PLXNA4: variants seen among roughly 807,000 people sequenced by gnomAD.
PLXNA4 encodes the protein plexin-A4.
Under a neutral mutation model 191.8 loss-of-function variants are expected in PLXNA4, and 44 were observed. The ratio of observed to expected loss-of-function variants is 0.23; its 90% CI spans 0.18 to 0.29. PLXNA4 has a LOEUF of 0.29. Among genes scored for constraint, PLXNA4 ranks in the 10% least tolerant of loss-of-function variants. The pLI is 1.00. For missense variants in PLXNA4, 1,800 were observed against 2,488.8 expected, an observed-to-expected ratio of 0.72 and a Z score of 5.89; for synonymous variants, 1,082 against 1,009.5, an observed-to-expected ratio of 1.07 and a Z score of -1.36.
intron 4 of PLXNA4, among the ~76,000 whole-genome samples, chr7:132,248,198 C>T (rs903257860): frequency 9.2e-5 from 14 of 152,206 alleles, no homozygotes; most frequent in Admixed American, 9.2e-4. Flanking sequence ...GCTGTTTCCT[C>T]TTCAGCCTGG....
chr7:132,230,253 C>T (rs571395410), intron 5 of PLXNA4, among the ~76,000 whole-genome samples: 9 of 152,280 alleles, frequency 5.9e-5, no homozygotes, highest in Admixed American at 3.3e-4. Flanking sequence ...GTAGAGCCTA[C>T]GGAGCTCTAC....
chr7:132,415,865 A>G (rs2117116208), intron 3 of PLXNA4, among the ~76,000 whole-genome samples: 1 of 152,368 alleles, frequency 6.6e-6, no homozygotes, highest in Middle Eastern at 3.4e-3. Context: ...AAGTTTCACT[A>G]CAGATACCAA....
In PLXNA4 at chr7:132,126,246, C is replaced by T. The variant is rs1794765309; in HGVS notation, c.*4233G>A. The T allele has an allele frequency of 6.6e-6, 1 of 152,324 alleles. No individual in the cohort carries two copies. The highest frequency in any genetic ancestry group is 2.1e-4 in the South Asian group (1 of 4,820). 9.4% of individuals were successfully genotyped at this position (152,324 alleles called of 1,614,324 possible). A position where few individuals can be genotyped will look rare whatever the true frequency, so the allele number is the denominator to read the frequency against. On this transcript the variant is annotated 3_prime_UTR_variant, in exon 32 of 32. Transcript: ENST00000321063. ...TTTGGGAAGTCATTGCTTGTGGATC[C>T]TCGGATGGGGACCCATAGGGCCTTG...
chr7:132,432,929 A>G (rs1004513547), intron 3 of PLXNA4, among the ~76,000 whole-genome samples: 1 of 152,130 alleles, frequency 6.6e-6, no homozygotes, highest in Non-Finnish European at 1.5e-5. Context: ...AGTACAGTAC[A>G]TTGTTGGAGC....
chr7:132,313,847 C>A (rs1293875201), intron 3 of PLXNA4, among the ~76,000 whole-genome samples: 1 of 152,136 alleles, frequency 6.6e-6, no homozygotes, highest in African/African-American at 2.4e-5. Flanking sequence ...GGCCCTCCTA[C>A]CCTGTCTCTA....
intron 4 of PLXNA4, among the ~76,000 whole-genome samples, chr7:132,285,848 G>C (rs549345321): frequency 6.6e-6 from 1 of 152,162 alleles, no homozygotes; most frequent in Non-Finnish European, 1.5e-5. Context: ...GGGGACAGGG[G>C]AGTGGGTTGG....
chr7:132,316,121 G>C (rs1378818141), intron 3 of PLXNA4, among the ~76,000 whole-genome samples: 1 of 152,128 alleles, frequency 6.6e-6, no homozygotes, highest in African/African-American at 2.4e-5. Flanking sequence ...CCTTGAAGAG[G>C]GGCACTGTCA....
At chr7:132,476,935 G>C (rs1187107767) in intron 3 of PLXNA4, among the ~76,000 whole-genome samples, 1 of 152,154 alleles carries the variant, frequency 6.6e-6, no homozygotes, top group Non-Finnish European at 1.5e-5. Context: ...TTCAGTTTCA[G>C]TTTTAGGAGG....
intron 1 of PLXNA4, among the ~76,000 whole-genome samples, chr7:132,570,479 T>C (rs1400286260): frequency 1.3e-5 from 2 of 152,216 alleles, no homozygotes; most frequent in Non-Finnish European, 2.9e-5. Context: ...CCTTCTAGTT[T>C]GAGCCTCCAC....
chr7:132,224,163 C>T (rs1467027110), intron 8 of PLXNA4, among the ~76,000 whole-genome samples: 1 of 152,150 alleles, frequency 6.6e-6, no homozygotes, highest in East Asian at 1.9e-4. Context: ...TTTATAAGAG[C>T]TCCTGACTCC....
At position 132,594,932 on chromosome 7, in the gene PLXNA4, TAGATAGA is replaced by T. The variant is rs1229135664; in HGVS notation, c.-87+50989_-87+50995del. Among the ~76,000 whole-genome samples, 186 of 134,538 alleles carry T rather than the reference TAGATAGA, an allele frequency of 1.4e-3. 2 individuals are homozygous for T. Among genetic ancestry groups the T allele is most frequent in the African/African-American group, 4.9e-3 (181 of 37,192 alleles). 88.3% of individuals were successfully genotyped at this position (134,538 alleles called of 152,430 possible). A position where few individuals can be genotyped will look rare whatever the true frequency, so the allele number is the denominator to read the frequency against. On this transcript the variant is annotated intron_variant, in intron 2 of 4. Transcript: ENST00000378539. ...ATAGGTAGATAGATAGATAGATAGA[TAGATAGA>T]TAGATAGATAGATAGATAGATAGAT...
At chr7:132,414,846 C>A (rs76564032) in intron 3 of PLXNA4, among the ~76,000 whole-genome samples, 56 of 152,298 alleles carry the variant, frequency 3.7e-4, no homozygotes, top group African/African-American at 1.3e-3. Flanking sequence ...CCTCATGGAA[C>A]CCGCAATCCC....
chr7:132,375,897 G>C (rs77475434), intron 3 of PLXNA4, among the ~76,000 whole-genome samples: 1 of 152,150 alleles, frequency 6.6e-6, no homozygotes, highest in Admixed American at 6.5e-5. Flanking sequence ...AAGGAAAAAG[G>C]CAAATAGGAG....
At chr7:132,615,288 G>A (rs1262784044) in intron 2 of PLXNA4, among the ~76,000 whole-genome samples, 1 of 152,166 alleles carries the variant, frequency 6.6e-6, no homozygotes, top group Non-Finnish European at 1.5e-5. Context: ...AGAGAGGGGA[G>A]TGGTGGCAGA....
At chr7:132,312,051 C>T (rs55931931) in intron 3 of PLXNA4, among the ~76,000 whole-genome samples, 224 of 152,040 alleles carry the variant, frequency 1.5e-3, no homozygotes, top group African/African-American at 5.1e-3. Flanking sequence ...AAGCCACCCC[C>T]GCCCTCAGTT....
intron 3 of PLXNA4, among the ~76,000 whole-genome samples, chr7:132,415,734 C>G (rs1794637271): frequency 6.6e-6 from 1 of 152,128 alleles, no homozygotes; most frequent in Non-Finnish European, 1.5e-5. Context: ...TACAGCAAAC[C>G]CACAAGGTAG....
intron 4 of PLXNA4, among the ~76,000 whole-genome samples, chr7:132,257,632 A>T (rs1799478135): frequency 6.6e-6 from 1 of 152,150 alleles, no homozygotes. Context: ...TGGTCTGGGG[A>T]CACAGAGCAG....
At chr7:132,416,866 C>T (rs908302042) in intron 3 of PLXNA4, among the ~76,000 whole-genome samples, 1 of 152,098 alleles carries the variant, frequency 6.6e-6, no homozygotes, top group Non-Finnish European at 1.5e-5. Flanking sequence ...ACTTTATGGA[C>T]TAGTGCCCCA....
At chr7:132,187,947 A>T (rs372821015) in intron 14 of PLXNA4, among the ~76,000 whole-genome samples, 1 of 152,238 alleles carries the variant, frequency 6.6e-6, no homozygotes, top group African/African-American at 2.4e-5. Flanking sequence ...AATTCTTTAA[A>T]GTAGGCATTA....
Sources: gnomAD v4.1 joint callset for allele counts (sites outside exome capture counted in the v4.1 genomes callset) on GRCh38, gnomAD v4.1.1 for gene constraint, MANE v1.5 for transcripts, NCBI Gene and HGNC (gene_info 2026-07-23, HGNC 2026-07-21) for gene names.